The following ATP2B4 variants were observed in gnomAD, a reference collection of about 807,000 sequenced individuals.
ATP2B4 encodes the protein ATPase plasma membrane Ca2+ transporting 4.
A neutral mutation model predicts 110.3 loss-of-function variants in ATP2B4; 39 were observed. The ratio of observed to expected loss-of-function variants is 0.35; its 90% CI spans 0.27 to 0.46. The LOEUF is 0.46. Ranked by LOEUF, ATP2B4 falls within the 20% of genes least tolerant of loss-of-function variation. The probability of loss-of-function intolerance (pLI) is 1.00; values close to 1 mark genes in which losing one functional copy is unlikely to be tolerated. For missense variants in ATP2B4, 1,135 were observed against 1,530.9 expected (o/e 0.74, Z 4.32); for synonymous variants, 538 against 571.7 (o/e 0.94, Z 0.84).
At chr1:203,641,148 A>T (rs1446588459) in intron 1 of ATP2B4, among the ~76,000 whole-genome samples, 2 of 152,200 alleles carry the variant, frequency 1.3e-5, no homozygotes, top group Non-Finnish European at 1.5e-5. Flanking sequence ...TTCTTCACAG[A>T]TGGGCTCCTG....
At chr1:203,677,413 A>C (rs944098509) in intron 1 of ATP2B4, among the ~76,000 whole-genome samples, 2 of 151,992 alleles carry the variant, frequency 1.3e-5, no homozygotes, top group African/African-American at 4.8e-5. Context: ...AGGGAGACTG[A>C]CTCTAGGTCA....
intron 1 of ATP2B4, among the ~76,000 whole-genome samples, chr1:203,679,491 C>G (rs1192063326): frequency 6.6e-6 from 1 of 152,190 alleles, no homozygotes; most frequent in African/African-American, 2.4e-5. Context: ...ATGTGTTCTT[C>G]AGCCCCATGT....
At chr1:203,687,603 C>T (rs988522521) in intron 2 of ATP2B4, among the ~76,000 whole-genome samples, 1 of 152,140 alleles carries the variant, frequency 6.6e-6, no homozygotes, top group South Asian at 2.1e-4. Context: ...AAAATATAAC[C>T]CTTTTCCTTT....
intron 1 of ATP2B4, among the ~76,000 whole-genome samples, chr1:203,678,399 T>TTTTC (rs1010971017): frequency 1.4e-5 from 2 of 147,976 alleles, no homozygotes; most frequent in African/African-American, 5.0e-5. Context: ...AGGCTTTTTT[T>TTTTC]TTTTTTTTTT....
chr1:203,679,633 C>T (rs1664937412), intron 1 of ATP2B4, among the ~76,000 whole-genome samples: 1 of 152,100 alleles, frequency 6.6e-6, no homozygotes, highest in Non-Finnish European at 1.5e-5. Context: ...GCCTCTAATC[C>T]TAGCACTTTG....
intron 1 of ATP2B4, among the ~76,000 whole-genome samples, chr1:203,652,436 A>C (rs1664027743): frequency 6.6e-6 from 1 of 152,154 alleles, no homozygotes; most frequent in Non-Finnish European, 1.5e-5. Context: ...GTGAGCCACT[A>C]TGCGAGGCCT....
intron 20 of ATP2B4, among the ~76,000 whole-genome samples, chr1:203,736,067 C>T (rs1234983806): frequency 6.6e-6 from 1 of 152,186 alleles, no homozygotes; most frequent in Non-Finnish European, 1.5e-5. Context: ...TTTCCCATTC[C>T]AGATCTCCAA....
At chr1:203,702,425 G>A (rs1241065400) in intron 7 of ATP2B4, among the ~76,000 whole-genome samples, 1 of 152,162 alleles carries the variant, frequency 6.6e-6, no homozygotes, top group Admixed American at 6.5e-5. Context: ...TTCTGGGTTG[G>A]AAGACTTCAG....
chr1:203,712,199 A>G (rs879730951), intron 13 of ATP2B4, 60 bp downstream of exon 13: 2 of 1,567,020 alleles, frequency 1.3e-6, no homozygotes, highest in Non-Finnish European at 1.7e-6. Context: ...GGGTTCTAGC[A>G]TAAGGCATCT....
chr1:203,643,911 G>A (rs1027265016), intron 1 of ATP2B4, among the ~76,000 whole-genome samples: 4 of 152,106 alleles, frequency 2.6e-5, no homozygotes, highest in Non-Finnish European at 4.4e-5. Context: ...CTATATACTC[G>A]GTGTTTAGCA....
At chr1:203,727,796 G>C in intron 20 of ATP2B4, 1 of 545,696 alleles carries the variant, frequency 1.8e-6, no homozygotes, top group Non-Finnish European at 3.2e-6. Flanking sequence ...GACACTATTA[G>C]CATAGTCCTT....
intron 1 of ATP2B4, among the ~76,000 whole-genome samples, chr1:203,673,582 G>A (rs1021293288): frequency 1.1e-4 from 16 of 152,230 alleles, no homozygotes; most frequent in African/African-American, 2.4e-4. Flanking sequence ...TAGGTAAAGC[G>A]GGGATGGGAG....
At position 203,739,965 on chromosome 1, in the gene ATP2B4, G is replaced by A; in HGVS notation, c.*111G>A. 1 of 1,200,638 alleles carries A rather than the reference G, an allele frequency of 8.3e-7. No individual in the cohort carries two copies. Among genetic ancestry groups the A allele is most frequent in the Non-Finnish European group, 1.2e-6 (1 of 869,190 alleles). 74.4% of individuals were successfully genotyped at this position (1,200,638 alleles called of 1,614,324 possible). A position where few individuals can be genotyped will look rare whatever the true frequency, so the allele number is the denominator to read the frequency against. Reference sequence around the variant, plus strand: ...TGTCACGTCAGCTGCTGTGTTAACAGCAGTGTGTGTGAAGTGAACCTCTAC... The same window carrying A: ...TGTCACGTCAGCTGCTGTGTTAACAACAGTGTGTGTGAAGTGAACCTCTAC... On this transcript the variant is annotated 3_prime_UTR_variant, in exon 21 of 21. Transcript: ENST00000357681.
chr1:203,627,925 C>A (rs1321016256), intron 1 of ATP2B4, among the ~76,000 whole-genome samples: 1 of 152,202 alleles, frequency 6.6e-6, no homozygotes, highest in African/African-American at 2.4e-5. Context: ...CTGGGAGTTA[C>A]CTCGTACCGC....
At chr1:203,729,563 G>T in intron 20 of ATP2B4, 26 of 368,814 alleles carry the variant, frequency 7.0e-5, no homozygotes, top group Non-Finnish European at 1.3e-4. Context: ...AAAAAAAAAA[G>T]AAGAAGAAAA....
At chr1:203,707,541 G>A (rs778059625) in intron 9 of ATP2B4, among the ~76,000 whole-genome samples, 2 of 151,340 alleles carry the variant, frequency 1.3e-5, no homozygotes, top group Admixed American at 1.3e-4. Context: ...AGTGATTCTC[G>A]TGCCTCAGCC....
At chr1:203,699,365 A>G in intron 3 of ATP2B4, 95 bp from the exon 4 acceptor site, 1 of 1,516,440 alleles carries the variant, frequency 6.6e-7, no homozygotes, top group East Asian at 2.3e-5. Flanking sequence ...ACTTTTCCTG[A>G]CTTTCTATCT....
chr1:203,641,795 T>C (rs1434971191), intron 1 of ATP2B4, among the ~76,000 whole-genome samples: 1 of 152,036 alleles, frequency 6.6e-6, no homozygotes, highest in Non-Finnish European at 1.5e-5. Context: ...GCCCTTCTAA[T>C]ACACAAAAAA....
chr1:203,674,968 C>CA (rs1162765874), intron 1 of ATP2B4, among the ~76,000 whole-genome samples: 1 of 152,184 alleles, frequency 6.6e-6, no homozygotes, highest in Non-Finnish European at 1.5e-5. Flanking sequence ...CTTGGCCTCC[C>CA]AAAGTGCTGG....
Sources: gnomAD v4.1 joint callset for allele counts (sites outside exome capture counted in the v4.1 genomes callset) on GRCh38, gnomAD v4.1.1 for gene constraint, MANE v1.5 for transcripts, NCBI Gene and HGNC (gene_info 2026-07-23, HGNC 2026-07-21) for gene names.